The following GARIN3 variants were observed in gnomAD, a reference collection of about 807,000 sequenced individuals.
The protein encoded by GARIN3 is golgi associated RAB2 interactor family member 3, also known as Golgi-associated RAB2 interactor protein 3.
At chr5:157,163,005 G>A in the GARIN3 span, 6 of 1,614,214 alleles carry the variant, frequency 3.7e-6, no homozygotes, top group Non-Finnish European at 5.1e-6. Flanking sequence ...CTTCAGCACT[G>A]GGCTGGGAAA....
At chr5:157,164,770 C>A in the GARIN3 span, among the ~76,000 whole-genome samples, 2 of 151,688 alleles carry the variant, frequency 1.3e-5, no homozygotes, top group Non-Finnish European at 2.9e-5. Flanking sequence ...GACTGTGACT[C>A]AAATCGAAGA....
the GARIN3 span, chr5:157,165,626 ACT>A: frequency 1.2e-6 from 2 of 1,613,928 alleles, no homozygotes; most frequent in Non-Finnish European, 1.7e-6. Flanking sequence ...TACTGCAGTA[ACT>A]CTCTACTGGT....
chr5:157,162,980 T>C, the GARIN3 span: 2 of 1,614,236 alleles, frequency 1.2e-6, no homozygotes, highest in Non-Finnish European at 1.7e-6. Context: ...CTTCTTTCCT[T>C]GTTTTCATTC....
the GARIN3 span, chr5:157,166,004 G>T: frequency 1.2e-6 from 2 of 1,613,916 alleles, no homozygotes; most frequent in Non-Finnish European, 1.7e-6. Context: ...CTCCCTTTTT[G>T]TTTATCTGAA....
the GARIN3 span, chr5:157,165,921 A>T: frequency 3.1e-6 from 5 of 1,614,210 alleles, no homozygotes; most frequent in Non-Finnish European, 4.2e-6. Context: ...GACGTCAGGC[A>T]GTGGGAGGAT....
At chr5:157,165,867 C>G in the GARIN3 span, 1 of 1,614,162 alleles carries the variant, frequency 6.2e-7, no homozygotes. Context: ...CCGGCCCCAT[C>G]TGACATGCTG....
chr5:157,165,875 C>T, the GARIN3 span: 1 of 1,614,154 alleles, frequency 6.2e-7, no homozygotes, highest in African/African-American at 1.3e-5. Context: ...ATCTGACATG[C>T]TGTTCACAGA....
At chr5:157,165,019 C>A in the GARIN3 span, among the ~76,000 whole-genome samples, 1 of 150,884 alleles carries the variant, frequency 6.6e-6, no homozygotes, top group Non-Finnish European at 1.5e-5. Context: ...AACTCTGTCT[C>A]AAAAAAAAAT....
chr5:157,162,299 C>T, the GARIN3 span: 2 of 1,238,538 alleles, frequency 1.6e-6, no homozygotes, highest in Non-Finnish European at 1.1e-6. Context: ...CACCACCAGG[C>T]TATGGGCAGA....
At chr5:157,165,487 A>C in the GARIN3 span, 1 of 1,521,488 alleles carries the variant, frequency 6.6e-7, no homozygotes, top group Non-Finnish European at 8.8e-7. Context: ...GAAGGCACCA[A>C]AGGCTTTGTA....
At chr5:157,165,894 G>A in the GARIN3 span, 3 of 1,614,034 alleles carry the variant, frequency 1.9e-6, no homozygotes, top group South Asian at 1.1e-5. Flanking sequence ...GATTTTAGTT[G>A]GTTGGGCCAG....
the GARIN3 span, chr5:157,162,532 T>A: frequency 1.9e-6 from 3 of 1,614,182 alleles, no homozygotes; most frequent in Non-Finnish European, 2.5e-6. Context: ...CTGGCCACCC[T>A]GGGCTTTCTC....
the GARIN3 span, chr5:157,162,893 C>T: frequency 1.9e-6 from 3 of 1,614,186 alleles, no homozygotes; most frequent in South Asian, 2.2e-5. Flanking sequence ...TTCTTGTCCC[C>T]CGCTCTCCTG....
chr5:157,162,581 C>A, the GARIN3 span: 7 of 1,614,170 alleles, frequency 4.3e-6, no homozygotes, highest in South Asian at 2.2e-5. Context: ...ACCATCTTAG[C>A]CACGATATCT....
the GARIN3 span, chr5:157,162,679 T>G: frequency 6.2e-7 from 1 of 1,614,248 alleles, no homozygotes; most frequent in Admixed American, 1.7e-5. Context: ...ACTGGCTTTC[T>G]TTTGTAAAGC....
At chr5:157,165,769 C>G in the GARIN3 span, 2 of 1,614,076 alleles carry the variant, frequency 1.2e-6, no homozygotes, top group Non-Finnish European at 1.7e-6. Context: ...TTCTCATGAT[C>G]GTGGATGGAG....
chr5:157,166,168 T>C, the GARIN3 span: 9 of 1,605,760 alleles, frequency 5.6e-6, no homozygotes, highest in Non-Finnish European at 7.7e-6. Context: ...TCATTGCTCA[T>C]GGTTCTCTTC....
At chr5:157,162,830 C>T in the GARIN3 span, 1 of 1,613,580 alleles carries the variant, frequency 6.2e-7, no homozygotes, top group East Asian at 2.2e-5. Context: ...TCTTTTTTGT[C>T]ATCTCTCGTG....
the GARIN3 span, chr5:157,162,470 C>T: frequency 1.2e-3 from 1,931 of 1,613,856 alleles, 32 homozygotes; most frequent in East Asian, 0.039. Context: ...GTTTCAAAGA[C>T]GATCATCTCC....
Sources: allele counts gnomAD v4.1 joint callset (sites outside exome capture counted in the v4.1 genomes callset), GRCh38; gene constraint gnomAD v4.1.1; transcripts MANE v1.5; gene names NCBI Gene and HGNC (gene_info 2026-07-23, HGNC 2026-07-21).